Variants in TBC1D4 observed in about 807,000 individuals in gnomAD.
TBC1D4 encodes the protein TBC (Tre-2, BUB2, CDC16) domain-containing protein.
TBC1D4 carries 121 observed loss-of-function variants against 142.5 expected under a neutral mutation model. That is an observed-to-expected ratio of 0.85 (90% confidence interval 0.73 to 0.99). The LOEUF is 0.99. TBC1D4 is among the 50% of genes least tolerant of loss of function. The pLI is 0.00. For synonymous variants in TBC1D4, 630 were observed against 628.2 expected, an observed-to-expected ratio of 1.00 and a Z score of -0.04; for missense variants, 1,475 against 1,606.6, an observed-to-expected ratio of 0.92 and a Z score of 1.40.
At position 75,481,760 on chromosome 13, in the gene TBC1D4, G is replaced by A. The variant is rs1348946388; in HGVS notation, c.8C>T (p.Pro3Leu). The A allele has an allele frequency of 2.5e-6, 4 of 1,583,024 alleles. No homozygotes were observed. Among genetic ancestry groups the A allele is most frequent in the Admixed American group, 1.8e-5 (1 of 54,746 alleles). Residue 3 changes from proline (P) to leucine (L), a missense_variant, in exon 1 of 21, where the codon CCG becomes CTG. Physicochemically the swap from Pro to Leu is moderately conservative, Grantham distance 98 (BLOSUM62 -3). Coordinates refer to ENST00000377636, the MANE Select transcript of TBC1D4 (RefSeq NM_014832.5). ME[P>L]PSCIQDEPFP... Reference sequence around the variant, plus strand: ...CGGCTCATCCTGAATGCAGCTGGGCGGCTCCATAACTCTCGCCTCACCAGG... The same window carrying A: ...CGGCTCATCCTGAATGCAGCTGGGCAGCTCCATAACTCTCGCCTCACCAGG...
intron 1 of TBC1D4, among the ~76,000 whole-genome samples, chr13:75,465,673 A>G (rs1888136555): frequency 6.6e-6 from 1 of 152,076 alleles, no homozygotes; most frequent in South Asian, 2.1e-4. Flanking sequence ...TCATGCCATG[A>G]TTGGGTTGGG....
intron 1 of TBC1D4, among the ~76,000 whole-genome samples, chr13:75,410,935 C>CAAAAAAAAA (rs60172018): frequency 6.3e-5 from 4 of 63,234 alleles, no homozygotes; most frequent in African/African-American, 1.3e-4. Context: ...GACTCCGTCT[C>CAAAAAAAAA]AAAAAAAAAA....
At chr13:75,430,337 G>A (rs911365563) in intron 1 of TBC1D4, among the ~76,000 whole-genome samples, 1 of 152,144 alleles carries the variant, frequency 6.6e-6, no homozygotes, top group South Asian at 2.1e-4. Flanking sequence ...GAGTCATTTA[G>A]CATTGTTTCA....
At chr13:75,354,496 C>A (rs919782662) in intron 4 of TBC1D4, among the ~76,000 whole-genome samples, 1 of 152,106 alleles carries the variant, frequency 6.6e-6, no homozygotes, top group Non-Finnish European at 1.5e-5. Flanking sequence ...AACAACTGCA[C>A]ATAAAATGTG....
chr13:75,410,090 T>A (rs1885561287), intron 1 of TBC1D4, among the ~76,000 whole-genome samples: 1 of 152,224 alleles, frequency 6.6e-6, no homozygotes, highest in African/African-American at 2.4e-5. Context: ...CTCAGAGTAT[T>A]GTTGTGAGGT....
intron 19 of TBC1D4, 105 bp from the exon 20 acceptor site, chr13:75,289,215 G>GTTCTTCATTAAT: frequency 7.1e-7 from 1 of 1,411,892 alleles, no homozygotes; most frequent in Non-Finnish European, 9.8e-7. Flanking sequence ...ACTTATTAAT[G>GTTCTTCATTAAT]AAGAACATTA....
intron 1 of TBC1D4, among the ~76,000 whole-genome samples, chr13:75,397,700 A>G (rs189312298): frequency 6.6e-6 from 1 of 152,164 alleles, no homozygotes; most frequent in Non-Finnish European, 1.5e-5. Flanking sequence ...TGTAAAATGA[A>G]GCATGACCTT....
At chr13:75,444,114 A>G (rs1887169480) in intron 1 of TBC1D4, among the ~76,000 whole-genome samples, 1 of 152,154 alleles carries the variant, frequency 6.6e-6, no homozygotes, top group Non-Finnish European at 1.5e-5. Flanking sequence ...TGTAAGAAGC[A>G]AATGATACAA....
intron 8 of TBC1D4, among the ~76,000 whole-genome samples, chr13:75,333,063 CCT>C (rs1209645123): frequency 6.6e-6 from 1 of 152,132 alleles, no homozygotes; most frequent in Non-Finnish European, 1.5e-5. Flanking sequence ...ATTCAAAGTT[CCT>C]CTCAAAGTCT....
chr13:75,369,305 G>A (rs973236016), intron 1 of TBC1D4, among the ~76,000 whole-genome samples: 5 of 152,108 alleles, frequency 3.3e-5, no homozygotes, highest in South Asian at 4.1e-4. Flanking sequence ...ACCAGCCTGG[G>A]AAACATAGGG....
chr13:75,317,451 C>T (rs1347303629), intron 12 of TBC1D4, among the ~76,000 whole-genome samples: 2 of 151,950 alleles, frequency 1.3e-5, no homozygotes, highest in African/African-American at 4.8e-5. Flanking sequence ...AATTACATTC[C>T]AAAATGTATA....
At chr13:75,456,758 T>C (rs2138263518) in intron 1 of TBC1D4, among the ~76,000 whole-genome samples, 1 of 149,438 alleles carries the variant, frequency 6.7e-6, no homozygotes, top group Middle Eastern at 3.4e-3. Context: ...CCCAAACCAA[T>C]GCTATCCAAA....
intron 1 of TBC1D4, among the ~76,000 whole-genome samples, chr13:75,447,889 T>A (rs1048936720): frequency 5.3e-5 from 8 of 152,112 alleles, no homozygotes; most frequent in African/African-American, 1.9e-4. Context: ...CATGCCTAGA[T>A]AGGGCTGTCT....
intron 3 of TBC1D4, 146 bp from the exon 4 acceptor site, chr13:75,356,397 C>A: frequency 1.4e-6 from 1 of 701,284 alleles, no homozygotes; most frequent in South Asian, 1.5e-5. Context: ...AATGCCATAG[C>A]AAACTCATGC....
chr13:75,397,614 T>C (rs1884862235), intron 1 of TBC1D4, among the ~76,000 whole-genome samples: 1 of 152,188 alleles, frequency 6.6e-6, no homozygotes, highest in South Asian at 2.1e-4. Context: ...TTTGTGTTTG[T>C]TTTGATTTGC....
chr13:75,357,590 A>G (rs1393047996), intron 3 of TBC1D4, among the ~76,000 whole-genome samples: 1 of 152,238 alleles, frequency 6.6e-6, no homozygotes, highest in African/African-American at 2.4e-5. Context: ...GGACCTCATT[A>G]GCTCGGAGAG....
At position 75,371,735 on chromosome 13, in the gene TBC1D4, G is replaced by A. The variant is rs77844292; in HGVS notation, c.499-9128C>T. ...CTCAGGAATCAGCCACTAATTAGAA[G>A]AGCGGTTTGCCCCTGTAAAATGAAC... On this transcript the variant is annotated intron_variant, in intron 1 of 20. Coordinates refer to ENST00000377636, the MANE Select transcript of TBC1D4 (RefSeq NM_014832.5). Among the ~76,000 whole-genome samples the A allele has an allele frequency of 1.4e-3, 206 of 152,286 alleles. 2 individuals carry two copies. In the East Asian group the frequency reaches 0.02, roughly 15 times the overall value.
chr13:75,310,359 G>A (rs1259339292), intron 13 of TBC1D4, among the ~76,000 whole-genome samples: 1 of 152,172 alleles, frequency 6.6e-6, no homozygotes, highest in Non-Finnish European at 1.5e-5. Flanking sequence ...TGAAACAGAA[G>A]CATAGGTCAT....
At chr13:75,468,510 T>TAG (rs1357381418) in intron 1 of TBC1D4, among the ~76,000 whole-genome samples, 3 of 151,898 alleles carry the variant, frequency 2.0e-5, no homozygotes, top group African/African-American at 7.3e-5. Flanking sequence ...TTTAGCAAAC[T>TAG]TCCTATGTTT....
Sources: allele counts gnomAD v4.1 joint callset (sites outside exome capture counted in the v4.1 genomes callset), GRCh38; gene constraint gnomAD v4.1.1; transcripts MANE v1.5; gene names NCBI Gene and HGNC (gene_info 2026-07-23, HGNC 2026-07-21).